Variants in CSMD3 observed in about 807,000 individuals in gnomAD.
CSMD3 encodes CUB and Sushi multiple domains 3.
In CSMD3, 177 loss-of-function variants were observed where a neutral mutation model predicts 435.2. That is an observed-to-expected ratio of 0.41 (90% CI 0.36 to 0.46). CSMD3 has a LOEUF of 0.46. Among genes scored for constraint, CSMD3 ranks in the 20% least tolerant of loss-of-function variants. The pLI is 0.34. For missense variants in CSMD3, 4,265 were observed against 4,504.6 expected (o/e 0.95, Z 1.52); for synonymous variants, 1,656 against 1,520.5 (o/e 1.09, Z -2.07).
intron 5 of CSMD3, among the ~76,000 whole-genome samples, chr8:113,056,806 C>T (rs1041857830): frequency 6.6e-6 from 1 of 152,120 alleles, no homozygotes; most frequent in Non-Finnish European, 1.5e-5. Flanking sequence ...CAGCCAATAG[C>T]CAAAGCATTT....
At chr8:112,842,154 G>A (rs1245636268) in intron 11 of CSMD3, among the ~76,000 whole-genome samples, 1 of 151,720 alleles carries the variant, frequency 6.6e-6, no homozygotes, top group Non-Finnish European at 1.5e-5. Context: ...AGCTGGGGTA[G>A]GAGACAATGT....
intron 13 of CSMD3, among the ~76,000 whole-genome samples, chr8:112,756,857 C>T (rs953102195): frequency 1.3e-5 from 2 of 151,656 alleles, no homozygotes; most frequent in African/African-American, 4.9e-5. Flanking sequence ...CAACCTCCAC[C>T]TCCTGGGTTC....
chr8:112,751,246 T>G (rs2077563728), intron 13 of CSMD3, among the ~76,000 whole-genome samples: 1 of 152,230 alleles, frequency 6.6e-6, no homozygotes, highest in Non-Finnish European at 1.5e-5. Flanking sequence ...GAGAACAGAC[T>G]AATACAGTTC....
intron 35 of CSMD3, among the ~76,000 whole-genome samples, chr8:112,396,008 T>C (rs895900379): frequency 4.6e-5 from 7 of 152,220 alleles, no homozygotes; most frequent in Non-Finnish European, 4.4e-5. Context: ...GTGAATCTTC[T>C]AATTTAGTAT....
At chr8:113,131,809 G>A (rs368991113) in intron 4 of CSMD3, among the ~76,000 whole-genome samples, 22 of 152,308 alleles carry the variant, frequency 1.4e-4, no homozygotes, top group East Asian at 5.8e-4. Flanking sequence ...GAAAGCAGTC[G>A]TGGGGGCTGT....
intron 3 of CSMD3, among the ~76,000 whole-genome samples, chr8:113,211,668 G>A (rs1417775743): frequency 6.6e-6 from 1 of 152,120 alleles, no homozygotes; most frequent in Admixed American, 6.6e-5. Context: ...CAGCCTGGAT[G>A]ACAGAGGAAG....
chr8:113,196,265 T>C (rs537494855), intron 3 of CSMD3, among the ~76,000 whole-genome samples: 3 of 151,366 alleles, frequency 2.0e-5, no homozygotes, highest in African/African-American at 7.2e-5. Flanking sequence ...AAAATATATT[T>C]GATTTGGCTC....
At chr8:113,348,572 T>A (rs1002151875) in intron 1 of CSMD3, among the ~76,000 whole-genome samples, 1 of 151,988 alleles carries the variant, frequency 6.6e-6, no homozygotes. Context: ...GAGTAACAAA[T>A]CAATCCTGGA....
intron 22 of CSMD3, among the ~76,000 whole-genome samples, chr8:112,616,350 A>G (rs566470496): frequency 2.9e-4 from 44 of 152,278 alleles, no homozygotes; most frequent in Non-Finnish European, 6.0e-4. Flanking sequence ...ATAAAGAAAT[A>G]TATATTTAAT....
intron 66 of CSMD3, 68 bp downstream of exon 66, chr8:112,241,652 T>A: frequency 9.7e-7 from 1 of 1,029,686 alleles, no homozygotes; most frequent in Non-Finnish European, 1.5e-6. Context: ...ACACAGTTAC[T>A]ATGCCAAGAA....
chr8:112,949,916 G>A (rs1352273152), intron 8 of CSMD3, among the ~76,000 whole-genome samples: 1 of 151,648 alleles, frequency 6.6e-6, no homozygotes, highest in African/African-American at 2.4e-5. Flanking sequence ...TTCCCCTTTA[G>A]CTATCAAAAT....
At chr8:112,687,756 T>C (rs960988214) in intron 14 of CSMD3, among the ~76,000 whole-genome samples, 1 of 152,202 alleles carries the variant, frequency 6.6e-6, no homozygotes, top group Admixed American at 6.5e-5. Flanking sequence ...GATTTTTTTT[T>C]CTTCTGCCCC....
intron 11 of CSMD3, among the ~76,000 whole-genome samples, chr8:112,856,888 G>C (rs1200679349): frequency 6.6e-6 from 1 of 151,728 alleles, no homozygotes; most frequent in Non-Finnish European, 1.5e-5. Flanking sequence ...CTTCTGAAAA[G>C]GGTTCCAAGG....
intron 24 of CSMD3, among the ~76,000 whole-genome samples, chr8:112,561,482 A>G (rs1475456597): frequency 6.6e-6 from 1 of 151,668 alleles, no homozygotes; most frequent in East Asian, 1.9e-4. Flanking sequence ...AAAAAATATA[A>G]AGGATGACAA....
intron 2 of CSMD3, among the ~76,000 whole-genome samples, chr8:113,287,273 T>C (rs1353022094): frequency 6.6e-6 from 1 of 152,038 alleles, no homozygotes; most frequent in East Asian, 1.9e-4. Flanking sequence ...TCAACAGTCC[T>C]TAAAAATGAT....
At chr8:112,947,099 G>A (rs940698447) in intron 9 of CSMD3, among the ~76,000 whole-genome samples, 1 of 151,470 alleles carries the variant, frequency 6.6e-6, no homozygotes, top group African/African-American at 2.4e-5. Flanking sequence ...GTGAGTTTTC[G>A]TGAGATTATT....
At chr8:113,098,552 T>G (rs954894410) in intron 5 of CSMD3, 1 of 576,520 alleles carries the variant, frequency 1.7e-6, no homozygotes. Context: ...TTTATTTGTT[T>G]ATACAAGTTT....
intron 13 of CSMD3, among the ~76,000 whole-genome samples, chr8:112,696,187 C>G (rs1156810698): frequency 6.6e-6 from 1 of 152,178 alleles, no homozygotes; most frequent in East Asian, 1.9e-4. Flanking sequence ...CCTCATCAAG[C>G]TACCAATGAC....
chr8:112,749,898 C>A (rs2077527283), intron 13 of CSMD3, among the ~76,000 whole-genome samples: 1 of 151,932 alleles, frequency 6.6e-6, no homozygotes, highest in Non-Finnish European at 1.5e-5. Context: ...AAGACTGCTG[C>A]ACAAAGATTA....
Sources: gnomAD v4.1 joint callset for allele counts (sites outside exome capture counted in the v4.1 genomes callset) on GRCh38, gnomAD v4.1.1 for gene constraint, MANE v1.5 for transcripts, NCBI Gene and HGNC (gene_info 2026-07-23, HGNC 2026-07-21) for gene names.